SUPT3H: variants seen among roughly 807,000 people sequenced by gnomAD.
The protein encoded by SUPT3H is transcription initiation protein SPT3 homolog.
SUPT3H carries 44 observed loss-of-function variants against 44.3 expected under a neutral mutation model. The ratio of observed to expected loss-of-function variants is 0.99; its 90% CI spans 0.78 to 1.28. The LOEUF (loss-of-function observed/expected upper bound fraction) is 1.28. Among genes scored for constraint, SUPT3H ranks in the 50% most tolerant of loss-of-function variants. SUPT3H has a pLI of 0.00. For synonymous variants in SUPT3H, 124 were observed against 125.6 expected, an observed-to-expected ratio of 0.99 and a Z score of 0.09; for missense variants, 380 against 387.1, an observed-to-expected ratio of 0.98 and a Z score of 0.15.
At chr6:45,029,168 T>A (rs1297732837) in intron 3 of SUPT3H, among the ~76,000 whole-genome samples, 1 of 151,824 alleles carries the variant, frequency 6.6e-6, no homozygotes, top group Non-Finnish European at 1.5e-5. Flanking sequence ...TATAAATTGA[T>A]AAAAGATGTG....
intron 2 of SUPT3H, among the ~76,000 whole-genome samples, chr6:45,169,107 T>C (rs1810381520): frequency 6.6e-6 from 1 of 152,220 alleles, no homozygotes; most frequent in African/African-American, 2.4e-5. Flanking sequence ...CCACATATTC[T>C]TCTTTATAAC....
At chr6:44,916,420 A>C (rs532481577) in intron 10 of SUPT3H, among the ~76,000 whole-genome samples, 3 of 152,302 alleles carry the variant, frequency 2.0e-5, no homozygotes, top group African/African-American at 7.2e-5. Flanking sequence ...GTGGTCAGTA[A>C]TGCCATGGAC....
intron 2 of SUPT3H, among the ~76,000 whole-genome samples, chr6:45,128,364 G>A (rs1207198457): frequency 6.6e-6 from 1 of 150,748 alleles, no homozygotes; most frequent in African/African-American, 2.4e-5. Context: ...AACTAGCCAG[G>A]CATGGTGGCA....
rs149998326 is a variant in SUPT3H, at chr6:45,069,299, A to T, written c.186+36623T>A. On this transcript the variant is annotated intron_variant, in intron 3 of 10. Transcript: ENST00000371459. Reference sequence around the variant, plus strand: ...TAAACAACATTCTAGGACTCTGAGCAGGGAAGAGCGACATGACAAAAAACG... The same window carrying T: ...TAAACAACATTCTAGGACTCTGAGCTGGGAAGAGCGACATGACAAAAAACG... Among the ~76,000 whole-genome samples the T allele has an allele frequency of 9.2e-5, 14 of 152,332 alleles. No homozygotes were observed. In the East Asian group the frequency reaches 2.7e-3, roughly 29 times the overall value.
chr6:45,228,612 G>C (rs1767368878), intron 2 of SUPT3H, among the ~76,000 whole-genome samples: 1 of 151,838 alleles, frequency 6.6e-6, no homozygotes, highest in Admixed American at 6.6e-5. Flanking sequence ...CACACTATTG[G>C]TTTTCTCTGA....
chr6:44,865,545 T>G (rs1399682110), intron 10 of SUPT3H, among the ~76,000 whole-genome samples: 1 of 152,200 alleles, frequency 6.6e-6, no homozygotes, highest in Non-Finnish European at 1.5e-5. Context: ...AAGGCATGTC[T>G]TACATTGCAG....
chr6:45,175,295 G>C (rs936273602), intron 2 of SUPT3H, among the ~76,000 whole-genome samples: 3 of 152,252 alleles, frequency 2.0e-5, no homozygotes, highest in Non-Finnish European at 4.4e-5. Flanking sequence ...AAAGGAAAGA[G>C]GTTTAACTGA....
At chr6:45,264,799 G>C (rs1211193945) in intron 2 of SUPT3H, among the ~76,000 whole-genome samples, 1 of 151,938 alleles carries the variant, frequency 6.6e-6, no homozygotes, top group Non-Finnish European at 1.5e-5. Flanking sequence ...AAAGAAAGAA[G>C]GGAGGAAGGA....
chr6:45,085,957 C>T (rs769262046), intron 3 of SUPT3H, among the ~76,000 whole-genome samples: 19 of 152,038 alleles, frequency 1.2e-4, no homozygotes, highest in Non-Finnish European at 2.1e-4. Flanking sequence ...CAATTATAAT[C>T]CTCCTATATT....
At chr6:45,148,894 T>C (rs923640427) in intron 2 of SUPT3H, among the ~76,000 whole-genome samples, 4 of 152,168 alleles carry the variant, frequency 2.6e-5, no homozygotes, top group Non-Finnish European at 5.9e-5. Context: ...GGAGCAAATA[T>C]GTTGCATTTT....
intron 9 of SUPT3H, among the ~76,000 whole-genome samples, chr6:44,949,041 C>T (rs896118839): frequency 6.6e-5 from 10 of 152,142 alleles, no homozygotes; most frequent in African/African-American, 2.4e-4. Context: ...CACATATACA[C>T]CATGGAATAC....
intron 6 of SUPT3H, among the ~76,000 whole-genome samples, chr6:44,991,705 C>T (rs1039377088): frequency 6.6e-6 from 1 of 151,952 alleles, no homozygotes; most frequent in African/African-American, 2.4e-5. Flanking sequence ...TTGATTTGCA[C>T]ATTTTCTATA....
At chr6:45,010,643 G>C (rs540431407) in intron 5 of SUPT3H, among the ~76,000 whole-genome samples, 22 of 152,150 alleles carry the variant, frequency 1.4e-4, no homozygotes, top group Non-Finnish European at 2.2e-4. Context: ...CAGATGACAT[G>C]ATCTTGTTGT....
intron 10 of SUPT3H, among the ~76,000 whole-genome samples, chr6:44,921,464 A>G (rs1313542297): frequency 6.6e-6 from 1 of 152,202 alleles, no homozygotes; most frequent in African/African-American, 2.4e-5. Context: ...GTTTGCCATC[A>G]AAAATTAAGG....
At chr6:45,161,640 T>A (rs1808987874) in intron 2 of SUPT3H, among the ~76,000 whole-genome samples, 1 of 152,144 alleles carries the variant, frequency 6.6e-6, no homozygotes, top group Non-Finnish European at 1.5e-5. Flanking sequence ...CTTATTTGAC[T>A]TTGACCCTCC....
chr6:45,220,911 G>A (rs1765935024), intron 2 of SUPT3H, among the ~76,000 whole-genome samples: 1 of 152,142 alleles, frequency 6.6e-6, no homozygotes, highest in South Asian at 2.1e-4. Context: ...CTACTATAAA[G>A]ACACATGCAC....
intron 2 of SUPT3H, among the ~76,000 whole-genome samples, chr6:45,263,905 T>G (rs1774820027): frequency 1.3e-5 from 2 of 152,144 alleles, no homozygotes; most frequent in Non-Finnish European, 2.9e-5. Flanking sequence ...AAAGTAAATT[T>G]TTAGGAAAAT....
intron 1 of SUPT3H, among the ~76,000 whole-genome samples, chr6:45,369,848 C>T (rs1795765557): frequency 1.3e-5 from 2 of 152,040 alleles, no homozygotes; most frequent in South Asian, 4.1e-4. Flanking sequence ...TTGATTTCAA[C>T]TGGGAGGTGG....
intron 3 of SUPT3H, among the ~76,000 whole-genome samples, chr6:45,102,251 C>G (rs1798681802): frequency 6.6e-6 from 1 of 152,022 alleles, no homozygotes; most frequent in Non-Finnish European, 1.5e-5. Context: ...TACTATTTTT[C>G]CCTTTCTTCT....
Sources: allele counts gnomAD v4.1 joint callset (sites outside exome capture counted in the v4.1 genomes callset), GRCh38; gene constraint gnomAD v4.1.1; transcripts MANE v1.5; gene names NCBI Gene and HGNC (gene_info 2026-07-23, HGNC 2026-07-21).